The following PARVB variants were observed in gnomAD, a reference collection of about 807,000 sequenced individuals.
PARVB encodes the protein beta-parvin.
A neutral mutation model predicts 47.0 loss-of-function variants in PARVB; 46 were observed. That is an observed-to-expected ratio of 0.98 (90% confidence interval 0.77 to 1.25). The LOEUF (loss-of-function observed/expected upper bound fraction) is 1.25. Among genes scored for constraint, PARVB ranks in the 50% most tolerant of loss-of-function variants. The pLI is 0.00. For missense variants in PARVB, 473 were observed against 471.6 expected (o/e 1.00, Z -0.03); for synonymous variants, 196 against 196.3 (o/e 1.00, Z 0.01).
intron 1 of PARVB, among the ~76,000 whole-genome samples, chr22:44,038,365 G>T (rs1445088717): frequency 1.3e-5 from 2 of 152,210 alleles, no homozygotes; most frequent in Non-Finnish European, 2.9e-5. Context: ...GGGCCCTGGA[G>T]CTGTGACCCT....
At chr22:44,022,141 G>A (rs949438827), upstream of PARVB, among the ~76,000 whole-genome samples, 1 of 152,040 alleles carries the variant, frequency 6.6e-6, no homozygotes, top group Admixed American at 6.6e-5. Context: ...CCTCCACCGT[G>A]CCTGCCTCAT....
rs371261786 is a variant in PARVB at position 44,016,297 on chromosome 22, C to T, written c.211+16624C>T. On this transcript the variant is annotated intron_variant, in intron 2 of 13. Coordinates refer to the PARVB transcript ENST00000406477. ...ATTTTTAGTAGAGACGGGGTTTCACCGTGTTAGCCAGGATGGTCTCGATCT... is the reference window on the plus strand; with the variant it reads ...ATTTTTAGTAGAGACGGGGTTTCACTGTGTTAGCCAGGATGGTCTCGATCT... Among the ~76,000 whole-genome samples the T allele has an allele frequency of 1.4e-3, 220 of 151,986 alleles. 3 individuals carry two copies. In the Middle Eastern group the frequency reaches 0.017, roughly 12 times the overall value.
chr22:44,006,703 G>A (rs977053359), intron 2 of PARVB, among the ~76,000 whole-genome samples: 3 of 152,214 alleles, frequency 2.0e-5, no homozygotes, highest in African/African-American at 7.2e-5. Context: ...ATTCCCAGGT[G>A]GCCTGTGTGT....
chr22:44,122,506 GAGAGAGAGAGAGAC>G (rs1569134151), intron 4 of PARVB, among the ~76,000 whole-genome samples: 2 of 92,270 alleles, frequency 2.2e-5, no homozygotes, highest in African/African-American at 6.8e-5. Flanking sequence ...GAGAGAGAGA[GAGAGAGAGAGAGAC>G]AGAGAGACAG....
intron 1 of PARVB, among the ~76,000 whole-genome samples, chr22:44,080,321 C>G (rs551577334): frequency 3.7e-4 from 57 of 152,316 alleles, no homozygotes; most frequent in African/African-American, 1.3e-3. Flanking sequence ...GTCAGGAGTC[C>G]CAACATCAAG....
chr22:44,061,290 G>T (rs914847407), intron 1 of PARVB, among the ~76,000 whole-genome samples: 2 of 152,094 alleles, frequency 1.3e-5, no homozygotes, highest in Non-Finnish European at 2.9e-5. Context: ...AATTAGCTGG[G>T]CATGGTGGTG....
At chr22:44,118,572 G>T (rs1443390246) in intron 3 of PARVB, among the ~76,000 whole-genome samples, 1 of 152,228 alleles carries the variant, frequency 6.6e-6, no homozygotes, top group Non-Finnish European at 1.5e-5. Context: ...GGGTCACCTT[G>T]ACTGTCTTGG....
At chr22:44,141,656 T>A (rs1254681959) in intron 8 of PARVB, 3 of 152,244 alleles carry the variant, frequency 2.0e-5, no homozygotes, top group African/African-American at 7.2e-5. Flanking sequence ...CTGACAGTAT[T>A]AACCATCACG....
intron 2 of PARVB, among the ~76,000 whole-genome samples, chr22:44,013,683 A>T (rs752561474): frequency 5.3e-5 from 8 of 151,966 alleles, no homozygotes; most frequent in Non-Finnish European, 1.0e-4. Context: ...CCCAGGCTGG[A>T]GTGCAGTGGT....
At chr22:44,091,634 C>T (rs1011523861) in intron 1 of PARVB, among the ~76,000 whole-genome samples, 15 of 152,308 alleles carry the variant, frequency 9.8e-5, no homozygotes, top group Admixed American at 2.0e-4. Context: ...TTCACCCATG[C>T]GGTAGCCTGG....
intron 2 of PARVB, among the ~76,000 whole-genome samples, chr22:44,001,443 G>T (rs2050412523): frequency 6.6e-6 from 1 of 152,176 alleles, no homozygotes; most frequent in Non-Finnish European, 1.5e-5. Context: ...AGCCTCCCTG[G>T]AACATGCTCA....
chr22:44,118,980 A>T, intron 3 of PARVB, 58 bp from the exon 4 acceptor site: 1 of 1,166,306 alleles, frequency 8.6e-7, no homozygotes, highest in Non-Finnish European at 1.3e-6. Flanking sequence ...TTCCCTGGTC[A>T]CTGCCTCATT....
chr22:44,122,062 G>A (rs2053059712), intron 4 of PARVB, among the ~76,000 whole-genome samples: 1 of 152,150 alleles, frequency 6.6e-6, no homozygotes, highest in Non-Finnish European at 1.5e-5. Context: ...TCCATTTAAT[G>A]TATAAATAAA....
chr22:44,032,443 T>G (rs748741363), intron 1 of PARVB, among the ~76,000 whole-genome samples: 1 of 152,090 alleles, frequency 6.6e-6, no homozygotes, highest in Non-Finnish European at 1.5e-5. Context: ...ATTTCTAATA[T>G]GGGGCAGTGT....
intron 9 of PARVB, chr22:44,148,957 G>C (rs978744294): frequency 3.9e-5 from 6 of 152,202 alleles, no homozygotes; most frequent in African/African-American, 1.4e-4. Context: ...TGGAGCATCA[G>C]AGTCCCCCAC....
chr22:44,110,980 T>C (rs762354330), intron 3 of PARVB: 1 of 152,256 alleles, frequency 6.6e-6, no homozygotes, highest in Non-Finnish European at 1.5e-5. Context: ...TGATACTTAT[T>C]ATCTTTTTGA....
chr22:44,008,943 C>T (rs764228340), intron 2 of PARVB, among the ~76,000 whole-genome samples: 49 of 151,990 alleles, frequency 3.2e-4, no homozygotes, highest in Non-Finnish European at 5.0e-4. Context: ...GAGCCGAGAT[C>T]GCACCACTGT....
chr22:44,135,556 C>T (rs1026619390), intron 6 of PARVB, among the ~76,000 whole-genome samples: 1 of 152,192 alleles, frequency 6.6e-6, no homozygotes, highest in African/African-American at 2.4e-5. Flanking sequence ...TGTGCCCGGC[C>T]ATCATTGCTT....
intron 1 of PARVB, among the ~76,000 whole-genome samples, chr22:44,058,549 ATTTTTT>A (rs35947294): frequency 1.4e-4 from 13 of 96,030 alleles, no homozygotes; most frequent in Non-Finnish European, 2.0e-4. Context: ...GTGGACGTGG[ATTTTTT>A]TTTTTTTTTT....
Sources: allele counts gnomAD v4.1 joint callset (sites outside exome capture counted in the v4.1 genomes callset), GRCh38; gene constraint gnomAD v4.1.1; transcripts MANE v1.5; gene names NCBI Gene and HGNC (gene_info 2026-07-23, HGNC 2026-07-21).